OTOGL: variants seen among roughly 807,000 people sequenced by gnomAD.
OTOGL encodes the protein otogelin-like protein.
Under a neutral mutation model 318.5 loss-of-function variants are expected in OTOGL, and 285 were observed. That is an observed-to-expected ratio of 0.89 (90% CI 0.81 to 0.99). OTOGL has a LOEUF of 0.99. Ranked by LOEUF, OTOGL falls within the 50% of genes least tolerant of loss-of-function variation. The pLI is 0.00. For missense variants in OTOGL, 2,899 were observed against 2,845.6 expected (o/e 1.02, Z -0.43); for synonymous variants, 987 against 936.5 (o/e 1.05, Z -0.99).
intron 46 of OTOGL, among the ~76,000 whole-genome samples, chr12:80,355,224 C>CTTTCTTTTTTTTTTTTTTTT (rs1889799791): frequency 1.5e-5 from 1 of 65,602 alleles, no homozygotes; most frequent in Non-Finnish European, 3.0e-5. Context: ...TTCTTTCTTT[C>CTTTCTTTTTTTTTTTTTTTT]TTTTCTTTTT....
chr12:80,173,810 T>C (rs1874361303), intron 1 of OTOGL, among the ~76,000 whole-genome samples: 1 of 152,182 alleles, frequency 6.6e-6, no homozygotes, highest in African/African-American at 2.4e-5. Context: ...TTCTGTAATT[T>C]CTTCACGCTG....
At chr12:80,135,991 G>A (rs983783344) in intron 1 of OTOGL, among the ~76,000 whole-genome samples, 24 of 152,174 alleles carry the variant, frequency 1.6e-4, no homozygotes, top group African/African-American at 5.8e-4. Flanking sequence ...TGCAGATTTT[G>A]AGCTCGCCAA....
At position 80,213,801 on chromosome 12, in the gene OTOGL, G is replaced by A. The variant is rs567010917; in HGVS notation, c.168+1804G>A. Among the ~76,000 whole-genome samples the A allele has an allele frequency of 8.1e-4, 124 of 152,202 alleles. 2 individuals carry two copies. The South Asian group carries it at 0.021, about 26-fold the overall frequency. ...TCTGAACAATTTTTAAAAGAAGAGC[G>A]GGCAATGAGGTCATAATCTTGCACT... On this transcript the variant is annotated intron_variant, in intron 4 of 58. Transcript: ENST00000547103.
At chr12:80,143,924 G>C (rs1036640966) in intron 1 of OTOGL, among the ~76,000 whole-genome samples, 1 of 151,966 alleles carries the variant, frequency 6.6e-6, no homozygotes, top group Admixed American at 6.6e-5. Context: ...TGCTAAAAGA[G>C]TTAATGGTAT....
rs56658695 is a variant in OTOGL at position 80,313,430 on chromosome 12, A to T, written c.3451-46A>T. On this transcript the variant is annotated intron_variant, in intron 30 of 58. Coordinates refer to ENST00000547103, the MANE Select transcript of OTOGL (RefSeq NM_001378609.3). ...TTTTAGACGGTTGACTTTAAATCAT[A>T]ATCAGTATCTATTGAAATTAAGTAA... 172,836 of 1,518,364 alleles carry T rather than the reference A, an allele frequency of 0.11. 11,459 individuals are homozygous for T. The highest frequency in any genetic ancestry group is 0.27 in the African/African-American group (19,506 of 72,762). The allele number at this position is 1,518,364 out of a possible 1,614,324, so 94.1% of individuals were successfully genotyped here. A position where few individuals can be genotyped will look rare whatever the true frequency, so the allele number is the denominator to read the frequency against.
At chr12:80,111,186 C>G (rs1249071697) in intron 1 of OTOGL, among the ~76,000 whole-genome samples, 2 of 152,168 alleles carry the variant, frequency 1.3e-5, no homozygotes, top group Non-Finnish European at 2.9e-5. Flanking sequence ...CAAAAATTTT[C>G]TCGCATTCTG....
intron 52 of OTOGL, among the ~76,000 whole-genome samples, chr12:80,365,087 A>T (rs1890446927): frequency 6.6e-6 from 1 of 152,112 alleles, no homozygotes; most frequent in Non-Finnish European, 1.5e-5. Flanking sequence ...TTTGGAAAAC[A>T]CCTTGGCTAT....
chr12:80,302,468 T>C (rs1885826412), intron 27 of OTOGL, among the ~76,000 whole-genome samples, 166 bp from the exon 28 acceptor site: 1 of 152,248 alleles, frequency 6.6e-6, no homozygotes, highest in Admixed American at 6.5e-5. Flanking sequence ...GTATTTCCTA[T>C]TTTGTGCAAT....
chr12:80,178,396 G>A (rs1315146985), intron 1 of OTOGL, among the ~76,000 whole-genome samples: 2 of 149,842 alleles, frequency 1.3e-5, no homozygotes, highest in Non-Finnish European at 2.9e-5. Flanking sequence ...TTTTGTTTTG[G>A]CCAACCTCAG....
chr12:80,295,261 C>A (rs78844858), intron 26 of OTOGL, among the ~76,000 whole-genome samples: 4,040 of 148,118 alleles, frequency 0.027, 148 homozygotes, highest in Admixed American at 0.1. Context: ...ACTGCAACTT[C>A]AGCCTCCCAG....
At chr12:80,250,061 G>C (rs1346065461) in intron 11 of OTOGL, among the ~76,000 whole-genome samples, 1 of 152,094 alleles carries the variant, frequency 6.6e-6, no homozygotes, top group East Asian at 1.9e-4. Context: ...TGCGCCCACT[G>C]TCTGGCACTC....
intron 11 of OTOGL, among the ~76,000 whole-genome samples, chr12:80,244,224 G>T (rs1206370467): frequency 1.3e-5 from 2 of 150,182 alleles, no homozygotes; most frequent in Non-Finnish European, 3.0e-5. Context: ...CATTGTGCAG[G>T]TTAGTTACAT....
At chr12:80,268,832 T>C (rs1883197920) in intron 22 of OTOGL, among the ~76,000 whole-genome samples, 2 of 151,356 alleles carry the variant, frequency 1.3e-5, no homozygotes, top group Non-Finnish European at 1.5e-5. Context: ...CTCTAGTTTT[T>C]CCCCTCTTTC....
At position 80,320,468 on chromosome 12, in the gene OTOGL, T is replaced by G; in HGVS notation, c.3849T>G (p.Phe1283Leu). 1 of 1,613,504 alleles carries G rather than the reference T, an allele frequency of 6.2e-7. No homozygotes were observed. The highest frequency in any genetic ancestry group is 8.5e-7 in the Non-Finnish European group (1 of 1,179,606). The change falls in exon 34 of 59, where the codon TTT (phenylalanine) becomes TTG (leucine). Residue 1283 changes from phenylalanine (F) to leucine (L), a missense_variant. By Grantham distance (22) the Phe-to-Leu change is conservative. Around this residue, in one of 3 missense-constraint regions of OTOGL, gnomAD observed 2,607 missense variants for 2,524.9 expected, o/e 1.03. Coordinates refer to ENST00000547103, the MANE Select transcript of OTOGL (RefSeq NM_001378609.3). The part of the protein sequence containing the change: ...SLESAERPNY[F>L]LYVHDNDTLS... ...AATCTGCTGAAAGGCCAAACTACTT[T>G]CTCTATGTCCATGACAATGATACTC...
chr12:80,254,075 T>C (rs1054194948), intron 14 of OTOGL, among the ~76,000 whole-genome samples: 6 of 152,128 alleles, frequency 3.9e-5, no homozygotes, highest in African/African-American at 1.2e-4. Flanking sequence ...GTGTATATAA[T>C]TGAAATGTAA....
intron 44 of OTOGL, chr12:80,343,538 A>ATTTTTTTTTTTTTTTTT (rs1888968492): frequency 1.1e-4 from 1 of 9,256 alleles, no homozygotes; most frequent in African/African-American, 2.9e-4. Context: ...TTTTTTTTTA[A>ATTTTTTTTTTTTTTTTT]CTTTCTTTTC....
At chr12:80,176,505 A>G (rs1874537287) in intron 1 of OTOGL, among the ~76,000 whole-genome samples, 2 of 152,100 alleles carry the variant, frequency 1.3e-5, no homozygotes, top group Admixed American at 1.3e-4. Flanking sequence ...GAATATATAC[A>G]GTGTGTTCTC....
chr12:80,316,466 C>G (rs1288376793), intron 32 of OTOGL, among the ~76,000 whole-genome samples: 1 of 152,174 alleles, frequency 6.6e-6, no homozygotes, highest in Non-Finnish European at 1.5e-5. Flanking sequence ...ACATTTTGCT[C>G]TCTGTTAACA....
intron 1 of OTOGL, among the ~76,000 whole-genome samples, chr12:80,146,468 T>G (rs1234952621): frequency 6.6e-6 from 1 of 151,838 alleles, no homozygotes; most frequent in Non-Finnish European, 1.5e-5. Context: ...GCCAGTATTT[T>G]ATTGAGGATT....
Sources: allele counts gnomAD v4.1 joint callset (sites outside exome capture counted in the v4.1 genomes callset), GRCh38; gene constraint gnomAD v4.1.1; regional missense constraint gnomAD v4.1.1; transcripts MANE v1.5; gene names NCBI Gene and HGNC (gene_info 2026-07-23, HGNC 2026-07-21).